ABTB2: variants seen among roughly 807,000 people sequenced by gnomAD.
ABTB2 encodes the protein ankyrin repeat and BTB/POZ domain-containing protein 2.
Under a neutral mutation model 104.1 loss-of-function variants are expected in ABTB2, and 56 were observed. The observed-to-expected ratio is 0.54, with a 90% CI of 0.43 to 0.67. ABTB2 has a LOEUF of 0.67. Ranked by LOEUF, ABTB2 falls within the 30% of genes least tolerant of loss-of-function variation. ABTB2 has a pLI of 0.00. For missense variants in ABTB2, 1,279 were observed against 1,407.7 expected, an observed-to-expected ratio of 0.91 and a Z score of 1.46; for synonymous variants, 606 against 608.2, an observed-to-expected ratio of 1.00 and a Z score of 0.05.
chr11:34,209,803 G>C (rs1853458488), intron 1 of ABTB2, among the ~76,000 whole-genome samples: 2 of 84,042 alleles, frequency 2.4e-5, no homozygotes, highest in Non-Finnish European at 4.8e-5. Context: ...GGGTGGGGGT[G>C]GAGAGTAGAG....
intron 1 of ABTB2, among the ~76,000 whole-genome samples, chr11:34,270,091 C>A (rs1199202607): frequency 6.6e-6 from 1 of 152,200 alleles, no homozygotes; most frequent in African/African-American, 2.4e-5. Context: ...ATGCTTCATG[C>A]ACGGATGCAC....
At chr11:34,264,341 T>C (rs1028146675) in intron 1 of ABTB2, among the ~76,000 whole-genome samples, 2 of 152,196 alleles carry the variant, frequency 1.3e-5, no homozygotes, top group Non-Finnish European at 2.9e-5. Context: ...CACATGGCGA[T>C]GTGTCTCTGT....
chr11:34,166,779 C>T (rs143087923), intron 7 of ABTB2, among the ~76,000 whole-genome samples: 3 of 152,354 alleles, frequency 2.0e-5, no homozygotes, highest in Non-Finnish European at 4.4e-5. Flanking sequence ...GGTGGGCAAC[C>T]TGTGGCTTGG....
Position 34,333,146 on chromosome 11 carries a change from G to C in ABTB2, c.883+23555C>G, listed in dbSNP as rs75439770. On this transcript the variant is annotated intron_variant, in intron 1 of 16. Coordinates refer to ENST00000435224, the MANE Select transcript of ABTB2 (RefSeq NM_145804.3). Reference sequence around the variant, plus strand: ...TAAAAAATAAACTGAGGCTCAGAAAGGTTTAATAATTTACCTACCCCCAGA... The same window carrying C: ...TAAAAAATAAACTGAGGCTCAGAAACGTTTAATAATTTACCTACCCCCAGA... Among the ~76,000 whole-genome samples the C allele has an allele frequency of 5.9e-3, 895 of 152,264 alleles. 5 individuals carry two copies. Among genetic ancestry groups the C allele is most frequent in the Non-Finnish European group, 8.8e-3 (600 of 68,030 alleles).
chr11:34,226,204 T>TAAAAAAAAAAA (rs34915007), intron 1 of ABTB2, among the ~76,000 whole-genome samples: 1 of 79,594 alleles, frequency 1.3e-5, no homozygotes, highest in Non-Finnish European at 2.4e-5. Context: ...GAGAGTCCAT[T>TAAAAAAAAAAA]AAAAAAAAAA....
At chr11:34,264,488 C>T (rs772521285) in intron 1 of ABTB2, among the ~76,000 whole-genome samples, 16 of 152,258 alleles carry the variant, frequency 1.1e-4, no homozygotes, top group East Asian at 1.9e-4. Context: ...CCCAGCTACT[C>T]GAGGGAGACC....
chr11:34,254,537 C>T (rs866384932), intron 1 of ABTB2, among the ~76,000 whole-genome samples: 23 of 152,102 alleles, frequency 1.5e-4, no homozygotes, highest in Middle Eastern at 3.2e-3. Context: ...TGAGAGCCAC[C>T]GTGCTCGGCC....
At chr11:34,208,929 C>A (rs911300770) in intron 1 of ABTB2, among the ~76,000 whole-genome samples, 2 of 152,162 alleles carry the variant, frequency 1.3e-5, no homozygotes, top group Admixed American at 6.5e-5. Flanking sequence ...TCCCCTGCCT[C>A]CAGGCTTACC....
intron 1 of ABTB2, among the ~76,000 whole-genome samples, chr11:34,212,575 G>A (rs1853494093): frequency 1.3e-5 from 2 of 152,178 alleles, no homozygotes; most frequent in Admixed American, 1.3e-4. Flanking sequence ...AATGGCAGAG[G>A]TGGGATTCAG....
intron 1 of ABTB2, among the ~76,000 whole-genome samples, chr11:34,316,130 G>A: frequency 6.6e-6 from 1 of 152,204 alleles, no homozygotes. Flanking sequence ...TCACACTGCA[G>A]CAAGGAAACT....
rs1852532049 is a variant in ABTB2 at position 34,151,242 on chromosome 11, G to A, written c.*1145C>T. On this transcript the variant is annotated 3_prime_UTR_variant, in exon 17 of 17. Coordinates refer to ENST00000435224, the MANE Select transcript of ABTB2 (RefSeq NM_145804.3). ...ATAAATAGTTTTTAAGGTGCGGCCA[G>A]ACAGCTGAAGAAGTTGCACCCAGAC... 2 of 152,352 alleles carry A rather than the reference G, an allele frequency of 1.3e-5. No homozygotes were observed. Among genetic ancestry groups the A allele is most frequent in the African/African-American group, 2.4e-5 (1 of 41,466 alleles). 9.4% of individuals were successfully genotyped at this position (152,352 alleles called of 1,614,324 possible). A position where few individuals can be genotyped will look rare whatever the true frequency, so the allele number is the denominator to read the frequency against.
chr11:34,179,197 C>T (rs1254603944), intron 3 of ABTB2, among the ~76,000 whole-genome samples: 2 of 151,986 alleles, frequency 1.3e-5, no homozygotes, highest in African/African-American at 2.4e-5. Context: ...AACACATGAA[C>T]GCACAAGCTC....
chr11:34,266,255 A>T (rs932028709), intron 1 of ABTB2, among the ~76,000 whole-genome samples: 1 of 152,012 alleles, frequency 6.6e-6, no homozygotes, highest in African/African-American at 2.4e-5. Context: ...GCAAATTGTT[A>T]CATTTTTTTC....
chr11:34,196,549 G>A (rs553830104), intron 3 of ABTB2, among the ~76,000 whole-genome samples: 41 of 152,080 alleles, frequency 2.7e-4, no homozygotes, highest in Non-Finnish European at 2.8e-4. Context: ...GCAAGACTCC[G>A]TCTAAAAAAA....
chr11:34,158,881 C>T (rs1013348374), intron 14 of ABTB2, among the ~76,000 whole-genome samples: 2 of 152,256 alleles, frequency 1.3e-5, no homozygotes. Context: ...GCACTGAGCA[C>T]ATGGCCACCT....
intron 1 of ABTB2, among the ~76,000 whole-genome samples, chr11:34,233,990 T>G (rs1853808193): frequency 6.6e-6 from 1 of 152,124 alleles, no homozygotes; most frequent in African/African-American, 2.4e-5. Flanking sequence ...GGGTCATCGC[T>G]CCCTCAAATT....
At chr11:34,348,347 C>A (rs915879935) in intron 1 of ABTB2, among the ~76,000 whole-genome samples, 11 of 152,342 alleles carry the variant, frequency 7.2e-5, no homozygotes, top group African/African-American at 2.6e-4. Flanking sequence ...GGCTTCTTAA[C>A]ATCTGGATAA....
chr11:34,298,039 T>C (rs970573287), intron 1 of ABTB2, among the ~76,000 whole-genome samples: 4 of 151,910 alleles, frequency 2.6e-5, no homozygotes, highest in Non-Finnish European at 4.4e-5. Flanking sequence ...GCTGGCACCT[T>C]GATCCTGGAC....
chr11:34,287,426 G>A (rs1762201047), intron 1 of ABTB2, among the ~76,000 whole-genome samples: 1 of 152,128 alleles, frequency 6.6e-6, no homozygotes, highest in South Asian at 2.1e-4. Flanking sequence ...ATGTGCGCCT[G>A]TAGTCCCAGC....
Sources: allele counts gnomAD v4.1 joint callset (sites outside exome capture counted in the v4.1 genomes callset), GRCh38; gene constraint gnomAD v4.1.1; transcripts MANE v1.5; gene names NCBI Gene and HGNC (gene_info 2026-07-23, HGNC 2026-07-21).